The following TRPM4 variants were observed in gnomAD, a reference collection of about 807,000 sequenced individuals.
The protein encoded by TRPM4 is transient receptor potential cation channel subfamily M member 4, also known as calcium-activated non-selective cation channel 1.
Under a neutral mutation model 135.6 loss-of-function variants are expected in TRPM4, and 124 were observed. The ratio of observed to expected loss-of-function variants is 0.91; its 90% CI spans 0.79 to 1.06. TRPM4 has a LOEUF of 1.06. Ranked by LOEUF, TRPM4 falls within the 50% of genes least tolerant of loss-of-function variation. The pLI is 0.00. For missense variants in TRPM4, 1,658 were observed against 1,671.4 expected, an observed-to-expected ratio of 0.99 and a Z score of 0.14; for synonymous variants, 745 against 705.6, an observed-to-expected ratio of 1.06 and a Z score of -0.88.
In TRPM4 at chr19:49,184,452, C is replaced by CTTTTTTT. The variant is rs67748057; in HGVS notation, c.1743+1260_1743+1266dup. On this transcript the variant is annotated intron_variant, in intron 12 of 24. Transcript: ENST00000252826. ...TTTGGTTCATTTCTGTCTCTGTAGT[C>CTTTTTTT]TTTTTTTTTTTTTTTTTTTTTTTTT... is the stretch of plus-strand genomic sequence containing the variant. 2.6e-4 allele frequency among the ~76,000 whole-genome samples: 12 copies of CTTTTTTT among 45,506 alleles called. 3 individuals are homozygous for CTTTTTTT. Among genetic ancestry groups the CTTTTTTT allele is most frequent in the African/African-American group, 1.1e-3 (10 of 9,518 alleles). 29.9% of individuals were successfully genotyped at this position (45,506 alleles called of 152,430 possible).
At chr19:49,179,317 G>A (rs10404729) in intron 9 of TRPM4, among the ~76,000 whole-genome samples, 51,732 of 151,046 alleles carry the variant, frequency 0.34, 9,172 homozygotes, top group African/African-American at 0.44. Flanking sequence ...GGCCTCCCAA[G>A]GTGTTGGGAT....
chr19:49,190,316 T>A lies in TRPM4; in HGVS notation c.2128T>A (p.Phe710Ile). 1 of 1,613,876 alleles carries A rather than the reference T, an allele frequency of 6.2e-7. No homozygotes were observed. Among genetic ancestry groups the A allele is most frequent in the Non-Finnish European group, 8.5e-7 (1 of 1,179,744 alleles). The change falls in exon 15 of 25, where the codon TTC becomes ATC. Residue 710 changes from phenylalanine (F) to isoleucine (I), a missense_variant. Around this residue, in one of 3 missense-constraint regions of TRPM4, gnomAD observed 1,412 missense variants for 1,408.7 expected, o/e 1.00. Transcript: ENST00000252826. ...PPLIYTRLIT[F>I]RKSEEEPTRE... ...ACTCATCTACACCCGCCTCATCACC[T>A]TCAGGTCAGTACCCTGGGGTGAGAG... is the stretch of plus-strand genomic sequence containing the variant.
intron 20 of TRPM4, among the ~76,000 whole-genome samples, chr19:49,205,462 C>T (rs561286651): frequency 4.3e-4 from 64 of 149,160 alleles, no homozygotes; most frequent in African/African-American, 1.5e-3. Context: ...AATAAAGCCA[C>T]ATATTTCATA....
At position 49,210,001 on chromosome 19, in the gene TRPM4, G is replaced by C. The variant is rs538629840; in HGVS notation, c.3132-208G>C. Among the ~76,000 whole-genome samples, 1 of 152,004 alleles carries C rather than the reference G, an allele frequency of 6.6e-6. No homozygotes were observed. The highest frequency in any genetic ancestry group is 1.5e-5 in the Non-Finnish European group (1 of 68,010). On this transcript the variant is annotated intron_variant, in intron 20 of 24. Transcript: ENST00000252826. This position sits in a 1 kb window ranked among gnomAD's most constrained non-coding sequence, Gnocchi z 4.1. Reference sequence around the variant, plus strand: ...TGACCTGAGGTGATCCGCCCACTCCGGCCTCCCAAAGTGCTGGGACTACAG... The same window carrying C: ...TGACCTGAGGTGATCCGCCCACTCCCGCCTCCCAAAGTGCTGGGACTACAG...
intron 3 of TRPM4, among the ~76,000 whole-genome samples, chr19:49,166,890 C>G (rs1354720303): frequency 6.6e-6 from 1 of 150,476 alleles, no homozygotes; most frequent in Non-Finnish European, 1.5e-5. Flanking sequence ...GTCTCTGTCC[C>G]CATCTCTCTG....
At chr19:49,165,592 A>G (rs1967138582) in intron 2 of TRPM4, among the ~76,000 whole-genome samples, 1 of 152,014 alleles carries the variant, frequency 6.6e-6, no homozygotes, top group Admixed American at 6.6e-5. Flanking sequence ...TTAGAGGAGG[A>G]AATTTAGGCT....
rs991973809 is a variant in TRPM4 at position 49,182,447 on chromosome 19, T to C, written c.1264-131T>C. ...ATCTACCTATCCATTCATCCATCCA[T>C]CCACCCATCCATCCATCCATCCATC... On this transcript the variant is annotated intron_variant, in intron 10 of 24. Transcript: ENST00000252826. 137 of 704,920 alleles carry C rather than the reference T, an allele frequency of 1.9e-4. 1 individual carries two copies. The East Asian group carries it at 2.1e-3, about 11-fold the overall frequency. 43.7% of individuals were successfully genotyped at this position (704,920 alleles called of 1,614,324 possible). A position where few individuals can be genotyped will look rare whatever the true frequency, so the allele number is the denominator to read the frequency against.
rs1967366612 is a variant in TRPM4, at chr19:49,169,408, C to T, written c.796+672C>T. ...TGCCTCAGCCTCCTGCCTCAGACTCCTGAGTAGCTGGGATTACAGGCACGT... is the reference window on the plus strand; with the variant it reads ...TGCCTCAGCCTCCTGCCTCAGACTCTTGAGTAGCTGGGATTACAGGCACGT... On this transcript the variant is annotated intron_variant, in intron 6 of 24. Coordinates refer to ENST00000252826, the MANE Select transcript of TRPM4 (RefSeq NM_017636.4). Among the ~76,000 whole-genome samples, 3 of 147,342 alleles carry T rather than the reference C, an allele frequency of 2.0e-5. No individual in the cohort carries two copies. The South Asian group carries it at 6.8e-4, about 33-fold the overall frequency.
At chr19:49,169,010 A>T (rs1228885831) in intron 6 of TRPM4, among the ~76,000 whole-genome samples, 1 of 141,526 alleles carries the variant, frequency 7.1e-6, no homozygotes, top group East Asian at 2.0e-4. Flanking sequence ...TGTCTCTACC[A>T]ATAATAATAA....
At chr19:49,193,968 ATCC>A (rs1211991253) in intron 16 of TRPM4, among the ~76,000 whole-genome samples, 4 of 75,088 alleles carry the variant, frequency 5.3e-5, no homozygotes, top group East Asian at 3.8e-4. Context: ...CTTCCTACTC[ATCC>A]TCCTCCTCTT....
chr19:49,171,206 A>T lies in TRPM4; in HGVS notation c.797-151A>T. 1 of 853,066 alleles carries T rather than the reference A, an allele frequency of 1.2e-6. No homozygotes were observed. The highest frequency in any genetic ancestry group is 1.9e-6 in the Non-Finnish European group (1 of 524,616). The allele number at this position is 853,066 out of a possible 1,614,324, so 52.8% of individuals were successfully genotyped here. On this transcript the variant is annotated intron_variant, in intron 6 of 24. Transcript: ENST00000252826. This position sits in a 1 kb window ranked among gnomAD's most constrained non-coding sequence, Gnocchi z 4.7. ...CCATTTCTAAAATAAATACATAATT[A>T]AGTAAAAAAAGAAATGACAATTCCA...
rs576085034 is a variant in TRPM4 at position 49,171,344 on chromosome 19, C to A, written c.797-13C>A. The A allele has an allele frequency of 5.6e-6, 9 of 1,614,076 alleles. No individual in the cohort carries two copies. Among genetic ancestry groups the A allele is most frequent in the Non-Finnish European group, 7.6e-6 (9 of 1,180,046 alleles). The stretch of plus-strand genomic sequence containing the variant: ...ATGGGAGGTAATCAAGCCCCCTTCT[C>A]TTCTTGCCTCAGGGACTGGAATTGA... On this transcript the variant is annotated splice_polypyrimidine_tract_variant and intron_variant, in intron 6 of 24. Transcript: ENST00000252826. This position sits in a 1 kb window ranked among gnomAD's most constrained non-coding sequence, Gnocchi z 4.7.
rs1305134354 is a variant in TRPM4, at chr19:49,197,364, C to CTT, written c.2645+491_2645+492insTT. ...TCTTTCTTTCTTTCTTTCTTTCTTTCTCTCTCTTTCTTTTCTTTCTTTCTC... is the reference window on the plus strand; with the variant it reads ...TCTTTCTTTCTTTCTTTCTTTCTTTCTTTCTCTCTTTCTTTTCTTTCTTTCTC... On this transcript the variant is annotated intron_variant, in intron 17 of 24. Transcript: ENST00000252826. 9.4e-3 allele frequency among the ~76,000 whole-genome samples: 682 copies of CTT among 72,626 alleles called. 4 individuals carry two copies. Among genetic ancestry groups the CTT allele is most frequent in the Middle Eastern group, 0.052 (8 of 154 alleles). The allele number at this position is 72,626 out of a possible 152,430, so 47.6% of individuals were successfully genotyped here.
chr19:49,188,620 G>A, intron 12 of TRPM4, 21 bp from the exon 13 acceptor site: 1 of 1,614,044 alleles, frequency 6.2e-7, no homozygotes, highest in Non-Finnish European at 8.5e-7. Context: ...TGACGCATCC[G>A]TGCCCTCTTT....
chr19:49,206,970 G>A (rs1438426434), intron 20 of TRPM4, among the ~76,000 whole-genome samples: 1 of 152,140 alleles, frequency 6.6e-6, no homozygotes, highest in East Asian at 1.9e-4. Flanking sequence ...TTGCGGGTGT[G>A]TAGAAACACA....
At position 49,211,242 on chromosome 19, in the gene TRPM4, C is replaced by T. The variant is rs1411365346; in HGVS notation, c.3613C>T (p.Pro1205Ser). Residue 1205 changes from proline to serine, a missense_variant, in exon 24 of 25, where the codon CCA (proline) becomes TCA (serine). Coordinates refer to ENST00000252826, the MANE Select transcript of TRPM4 (RefSeq NM_017636.4). This position sits in a 1 kb window ranked among gnomAD's most constrained non-coding sequence, Gnocchi z 4.8. ...RSALLPPGGPPPPDLPGSKD is the reference protein window; with the variant it reads ...RSALLPPGGPSPPDLPGSKD The stretch of plus-strand genomic sequence containing the variant: ...TGCCTTGCTGCCCCCAGGTGGGCCG[C>T]CACCCCCTGACCTGCCTGGGTCCAA... 14 of 1,588,290 alleles carry T rather than the reference C, an allele frequency of 8.8e-6. No individual in the cohort carries two copies. Among genetic ancestry groups the T allele is most frequent in the Non-Finnish European group, 1.2e-5 (14 of 1,168,136 alleles).
rs192049951 is a variant in TRPM4, at chr19:49,178,283, C to T, written c.1151-3066C>T. On this transcript the variant is annotated intron_variant, in intron 9 of 24. Transcript: ENST00000252826. The stretch of plus-strand genomic sequence containing the variant: ...AAAGCTGAAGTGAGCTGTGATGGCG[C>T]CACTGCACTCCAGACTGGGTGACAG... Among the ~76,000 whole-genome samples, 16 of 152,222 alleles carry T rather than the reference C, an allele frequency of 1.1e-4. No homozygotes were observed. The East Asian group carries it at 3.1e-3, about 29-fold the overall frequency.
intron 20 of TRPM4, among the ~76,000 whole-genome samples, chr19:49,204,702 TTAA>T (rs1050952000): frequency 5.5e-4 from 83 of 151,576 alleles, no homozygotes; most frequent in African/African-American, 1.9e-3. Context: ...GCTTGTTTTT[TTAA>T]TTTTTTTTTT....
At chr19:49,178,167 TA>T (rs1420778001) in intron 9 of TRPM4, among the ~76,000 whole-genome samples, 5 of 151,914 alleles carry the variant, frequency 3.3e-5, no homozygotes, top group Admixed American at 1.3e-4. Context: ...CCCATGTCTA[TA>T]AAAAATTAGC....
Sources: gnomAD v4.1 joint callset for allele counts (sites outside exome capture counted in the v4.1 genomes callset) on GRCh38, gnomAD v4.1.1 for gene constraint, gnomAD v4.1.1 regional missense constraint, Gnocchi (gnomAD v3.1) non-coding constraint, MANE v1.5 for transcripts, NCBI Gene and HGNC (gene_info 2026-07-23, HGNC 2026-07-21) for gene names.